Variants in MAP4K1 observed in about 807,000 individuals in gnomAD.
MAP4K1 encodes the protein MAPK/ERK kinase kinase kinase 1.
In MAP4K1, 35 loss-of-function variants were observed where a neutral mutation model predicts 122.8. That is an observed-to-expected ratio of 0.29 (90% CI 0.22 to 0.38). The LOEUF (loss-of-function observed/expected upper bound fraction) is 0.38. Among genes scored for constraint, MAP4K1 ranks in the 10% least tolerant of loss-of-function variants. The pLI is 1.00. For synonymous variants in MAP4K1, 412 were observed against 421.3 expected (o/e 0.98, Z 0.27); for missense variants, 791 against 1,072.6 (o/e 0.74, Z 3.67).
chr19:38,614,211 AC>A (rs750122203), intron 6 of MAP4K1, 33 bp downstream of exon 6: 13 of 1,596,704 alleles, frequency 8.1e-6, no homozygotes, highest in African/African-American at 4.1e-5. Context: ...CCTGGGCCCC[AC>A]CCCCCAACAG....
chr19:38,617,302 A>G lies in MAP4K1; in HGVS notation c.248+52T>C. ...AGGGTACCCCCATCAAGAAATGGGG[A>G]CTCCGGGTTAGGGGCTGGGCTGGGT... On this transcript the variant is annotated intron_variant, in intron 3 of 30. Transcript: ENST00000396857. This position sits in a 1 kb window ranked among gnomAD's most constrained non-coding sequence, Gnocchi z 4.1. 1 of 1,235,252 alleles carries G rather than the reference A, an allele frequency of 8.1e-7. No homozygotes were observed. The highest frequency in any genetic ancestry group is 1.2e-6 in the Non-Finnish European group (1 of 835,874). The allele number at this position is 1,235,252 out of a possible 1,614,324, so 76.5% of individuals were successfully genotyped here.
chr19:38,607,559 C>CA (rs759008757), intron 16 of MAP4K1, among the ~76,000 whole-genome samples: 9,950 of 54,558 alleles, frequency 0.18, 938 homozygotes, highest in Non-Finnish European at 0.25. Flanking sequence ...GACTCCATCT[C>CA]AAAAAAAAAA....
In MAP4K1 at chr19:38,613,027, G is replaced by T. The variant is rs183717035; in HGVS notation, c.534-285C>A. Among the ~76,000 whole-genome samples, 9 of 151,780 alleles carry T rather than the reference G, an allele frequency of 5.9e-5. No homozygotes were observed. In the East Asian group the frequency reaches 9.8e-4, roughly 16 times the overall value. On this transcript the variant is annotated intron_variant, in intron 8 of 30. Transcript: ENST00000396857. Reference sequence around the variant, plus strand: ...GGCAACTTATCAAGACCCTATCTCGGCTGGGCACGGTGGCTTTTGCCTGTA... The same window carrying T: ...GGCAACTTATCAAGACCCTATCTCGTCTGGGCACGGTGGCTTTTGCCTGTA...
chr19:38,599,012 C>CAAA (rs944497385), intron 22 of MAP4K1, among the ~76,000 whole-genome samples: 2 of 37,986 alleles, frequency 5.3e-5, no homozygotes, highest in African/African-American at 1.0e-4. Flanking sequence ...GAGTCTATCT[C>CAAA]AAAAAAAAAA....
chr19:38,605,135 T>TATATAAATA (rs1490578068), intron 19 of MAP4K1, among the ~76,000 whole-genome samples: 16 of 149,786 alleles, frequency 1.1e-4, no homozygotes, highest in Non-Finnish European at 2.1e-4. Flanking sequence ...TCAGCCTGCC[T>TATATAAATA]CCTCAAAGGT....
chr19:38,608,014 C>G lies in MAP4K1; in HGVS notation c.1085G>C (p.Arg362Pro). The change falls in exon 15 of 31, where the codon CGA becomes CCA. Residue 362 changes from arginine (R) to proline (P), a missense_variant. Transcript: ENST00000396857. Reference sequence around the variant, plus strand: ...CCTGGGGCTGCTGCTCCTGAGGTCTCGAGGAGGCTGTAGGCGAGCCTGTGG... The same window carrying G: ...CCTGGGGCTGCTGCTCCTGAGGTCTGGAGGAGGCTGTAGGCGAGCCTGTGG... ...PANTARLQPP[R>P]DLRSSSPRKQ... The G allele has an allele frequency of 6.2e-7, 1 of 1,608,888 alleles. No homozygotes were observed. The highest frequency in any genetic ancestry group is 8.5e-7 in the Non-Finnish European group (1 of 1,177,122).
At chr19:38,592,917 C>CAAATAAATAAATA (rs1387909622) in intron 30 of MAP4K1, among the ~76,000 whole-genome samples, 2 of 151,146 alleles carry the variant, frequency 1.3e-5, no homozygotes, top group African/African-American at 4.9e-5. Flanking sequence ...AACTCCATCT[C>CAAATAAATAAATA]AATAAATAAA....
intron 20 of MAP4K1, among the ~76,000 whole-genome samples, chr19:38,600,371 G>GGTGGTTCTTTC (rs1360201780): frequency 6.6e-6 from 1 of 152,032 alleles, no homozygotes; most frequent in African/African-American, 2.4e-5. Context: ...CCCATATTCT[G>GGTGGTTCTTTC]GTGGTTCTTT....
rs1975698416 is a variant in MAP4K1 at position 38,617,849 on chromosome 19, T to C, written c.47A>G (p.His16Arg). ...ACCCAGCCGCTGTAGCAGGTCATAG[T>C]GGTCCCGGGGGTCTCTATTGAAAAT... The part of the protein sequence containing the change: ...PDIFNRDPRD[H>R]YDLLQRLGGG... The change falls in exon 1 of 31, where the codon CAC becomes CGC. Residue 16 changes from histidine to arginine, a missense_variant. By Grantham distance (29) the His-to-Arg change is conservative (BLOSUM62 0). Transcript: ENST00000396857. The surrounding 1 kb of genome is among the most constrained non-coding windows in gnomAD (Gnocchi z 4.1). 4.3e-6 allele frequency: 7 copies of C among 1,614,144 alleles called. No homozygotes were observed. The highest frequency in any genetic ancestry group is 5.9e-6 in the Non-Finnish European group (7 of 1,179,998).
At position 38,596,974 on chromosome 19, in the gene MAP4K1, G is replaced by C. The variant is rs541806517; in HGVS notation, c.1941+60C>G. ...ATGGAGCTCTTGATAGAAGCGCAAA[G>C]GGTGCAAGGCCTTAGCCACCCACTC... is the stretch of plus-strand genomic sequence containing the variant. On this transcript the variant is annotated intron_variant, in intron 25 of 30. Coordinates refer to ENST00000396857, the MANE Select transcript of MAP4K1 (RefSeq NM_001042600.3). The C allele has an allele frequency of 1.5e-5, 23 of 1,485,784 alleles. No individual in the cohort carries two copies. In the East Asian group the frequency reaches 1.8e-4, roughly 12 times the overall value. 92.0% of individuals were successfully genotyped at this position (1,485,784 alleles called of 1,614,324 possible).
Position 38,610,481 on chromosome 19 carries a change from G to A in MAP4K1, c.811-456C>T, listed in dbSNP as rs1975466232. 2.0e-5 allele frequency among the ~76,000 whole-genome samples: 3 copies of A among 146,904 alleles called. No individual in the cohort carries two copies. The Admixed American group carries it at 2.1e-4, about 10-fold the overall frequency. On this transcript the variant is annotated intron_variant, in intron 11 of 30. Coordinates refer to ENST00000396857, the MANE Select transcript of MAP4K1 (RefSeq NM_001042600.3). ...GCTCACTATAGCCTCCGCCTCCTGG[G>A]TTTAAGCAATTCTCCAACCTCAGCC...
In MAP4K1 at chr19:38,600,158, A is replaced by C; in HGVS notation, c.1532-5T>G. 6.2e-7 allele frequency: 1 copy of C among 1,613,812 alleles called. No individual in the cohort carries two copies. On this transcript the variant is annotated splice_polypyrimidine_tract_variant and splice_region_variant and intron_variant, in intron 20 of 30. Coordinates refer to ENST00000396857, the MANE Select transcript of MAP4K1 (RefSeq NM_001042600.3). The stretch of plus-strand genomic sequence containing the variant: ...CCCCCAGGAGCAGGTGCTGGTCTGG[A>C]GGCACAGACAAGGACGCTGGGACCG...
At chr19:38,603,577 G>A (rs1324436199) in intron 19 of MAP4K1, among the ~76,000 whole-genome samples, 5 of 152,124 alleles carry the variant, frequency 3.3e-5, no homozygotes, top group Non-Finnish European at 7.4e-5. Context: ...AGGCACGGCT[G>A]TAATCCCACC....
chr19:38,598,211 A>T (rs1373542246), intron 22 of MAP4K1, among the ~76,000 whole-genome samples: 1 of 151,808 alleles, frequency 6.6e-6, no homozygotes, highest in Non-Finnish European at 1.5e-5. Flanking sequence ...TTGTATTTTT[A>T]GTAGAGACGG....
intron 25 of MAP4K1, among the ~76,000 whole-genome samples, 157 bp downstream of exon 25, chr19:38,596,877 G>T (rs1035943445): frequency 6.6e-6 from 1 of 152,160 alleles, no homozygotes; most frequent in African/African-American, 2.4e-5. Context: ...GAAGGACGAG[G>T]CTCCAAGCGC....
chr19:38,597,325 C>T lies in MAP4K1; in HGVS notation c.1837+1G>A. 6.2e-7 allele frequency: 1 copy of T among 1,614,062 alleles called. No homozygotes were observed. The highest frequency in any genetic ancestry group is 8.5e-7 in the Non-Finnish European group (1 of 1,180,038). On this transcript the variant is annotated splice_donor_variant, in intron 24 of 30. Transcript: ENST00000396857. LOFTEE classifies it high-confidence loss of function. This position sits in a 1 kb window ranked among gnomAD's most constrained non-coding sequence, Gnocchi z 4.6. ...TGCACACCCGTGAAGCTCTCTCTCA[C>T]CCACACAGCACGCCCGGCAGCCTTT...
intron 13 of MAP4K1, among the ~76,000 whole-genome samples, chr19:38,608,841 C>T (rs111227799): frequency 0.012 from 1,625 of 137,834 alleles, 38 homozygotes; most frequent in African/African-American, 0.041. Flanking sequence ...ATTAGCCACG[C>T]GTGGTGAATA....
chr19:38,605,366 G>A, intron 19 of MAP4K1, 43 bp downstream of exon 19: 5 of 740,730 alleles, frequency 6.8e-6, no homozygotes, highest in Non-Finnish European at 1.1e-5. Context: ...GGCATCCCCA[G>A]CCCCGTCCAG....
At position 38,605,713 on chromosome 19, in the gene MAP4K1, T is replaced by C; in HGVS notation, c.1218A>G (p.Pro406=). The C allele has an allele frequency of 6.2e-7, 1 of 1,606,730 alleles. No homozygotes were observed. The highest frequency in any genetic ancestry group is 8.5e-7 in the Non-Finnish European group (1 of 1,178,382). ...PLPPKPKFRS[P]SDEGPGSMGD... is the part of the protein sequence containing the mutation. ...CCATGCTCCCAGGACCCTCGTCTGA[T>C]GGAGAACGGAACTTGGGCTTTGGAG... The change falls in exon 18 of 31, where the codon CCA becomes CCG. Residue 406 remains proline (P), a synonymous_variant. Coordinates refer to ENST00000396857, the MANE Select transcript of MAP4K1 (RefSeq NM_001042600.3).
Sources: allele counts gnomAD v4.1 joint callset (sites outside exome capture counted in the v4.1 genomes callset), GRCh38; gene constraint gnomAD v4.1.1; non-coding constraint Gnocchi (gnomAD v3.1); transcripts MANE v1.5; gene names NCBI Gene and HGNC (gene_info 2026-07-23, HGNC 2026-07-21).